The following CACNA1E variants were observed in gnomAD, a reference collection of about 807,000 sequenced individuals.
CACNA1E encodes the protein voltage-dependent R-type calcium channel subunit alpha-1E.
CACNA1E carries 40 observed loss-of-function variants against 259.2 expected under a neutral mutation model. The ratio of observed to expected loss-of-function variants is 0.15; its 90% CI spans 0.12 to 0.20. The LOEUF is 0.20. Ranked by LOEUF, CACNA1E falls within the 10% of genes least tolerant of loss-of-function variation. The pLI, the probability that CACNA1E is intolerant of heterozygous loss-of-function variation, is 1.00. For missense variants in CACNA1E, 1,874 were observed against 3,040.1 expected (o/e 0.62, Z 9.02); for synonymous variants, 1,104 against 1,138.5 (o/e 0.97, Z 0.61).
At chr1:181,795,083 GT>G in intron 46 of CACNA1E, 39 bp downstream of exon 46, 1 of 1,554,384 alleles carries the variant, frequency 6.4e-7, no homozygotes, top group Non-Finnish European at 8.8e-7. Flanking sequence ...TCATCAGGCA[GT>G]GGGCTCCTGC....
At chr1:181,614,545 A>G (rs1280641628) in intron 6 of CACNA1E, among the ~76,000 whole-genome samples, 1 of 152,238 alleles carries the variant, frequency 6.6e-6, no homozygotes, top group Non-Finnish European at 1.5e-5. Context: ...TGTTTGAAGC[A>G]GATACTTGCA....
intron 1 of CACNA1E, among the ~76,000 whole-genome samples, chr1:181,340,896 A>T (rs931856603): frequency 6.6e-6 from 1 of 152,098 alleles, no homozygotes; most frequent in African/African-American, 2.4e-5. Flanking sequence ...TTGTCTACAA[A>T]CTGTTTTATA....
chr1:181,488,281 G>A (rs1310306958), intron 1 of CACNA1E, among the ~76,000 whole-genome samples: 2 of 152,234 alleles, frequency 1.3e-5, no homozygotes, highest in East Asian at 1.9e-4. Context: ...GATGTAACTA[G>A]TGAATCATGA....
chr1:181,393,327 G>T (rs1025613587), intron 1 of CACNA1E, among the ~76,000 whole-genome samples: 2 of 152,214 alleles, frequency 1.3e-5, no homozygotes, highest in Non-Finnish European at 1.5e-5. Context: ...GATTAAACAA[G>T]ATGTAAAGGA....
chr1:181,481,364 ACACACACT>A (rs1160302629), upstream of CACNA1E, among the ~76,000 whole-genome samples: 4 of 151,752 alleles, frequency 2.6e-5, no homozygotes, highest in African/African-American at 9.7e-5. Context: ...ACACACACAC[ACACACACT>A]CTCACATACA....
chr1:181,664,304 C>T (rs563878738), intron 7 of CACNA1E, among the ~76,000 whole-genome samples: 1 of 152,290 alleles, frequency 6.6e-6, no homozygotes, highest in African/African-American at 2.4e-5. Context: ...TACACACATG[C>T]CCCAGCACAA....
intron 1 of CACNA1E, among the ~76,000 whole-genome samples, chr1:181,409,421 A>G (rs1657690774): frequency 1.3e-5 from 2 of 152,208 alleles, no homozygotes; most frequent in Admixed American, 6.5e-5. Flanking sequence ...AGGGCCAGGA[A>G]GTACATCCTA....
At position 181,593,614 on chromosome 1, in the gene CACNA1E, C is replaced by T. The variant is rs562615472; in HGVS notation, c.951+12838C>T. 9.8e-5 allele frequency among the ~76,000 whole-genome samples: 15 copies of T among 152,298 alleles called. No individual in the cohort carries two copies. In the East Asian group the frequency reaches 2.7e-3, roughly 27 times the overall value. On this transcript the variant is annotated intron_variant, in intron 6 of 47. Coordinates refer to ENST00000367573, the MANE Select transcript of CACNA1E (RefSeq NM_001205293.3). ...AGTGCAGTGGCATGATCTCGGTTCACTGCAACCTCCTCCGCTCGGGTTCAA... is the reference window on the plus strand; with the variant it reads ...AGTGCAGTGGCATGATCTCGGTTCATTGCAACCTCCTCCGCTCGGGTTCAA...
chr1:181,468,307 T>A (rs1047146798), intron 2 of CACNA1E, among the ~76,000 whole-genome samples: 1 of 152,146 alleles, frequency 6.6e-6, no homozygotes, highest in South Asian at 2.1e-4. Flanking sequence ...GGTTTGCGAG[T>A]TGCACTTGCA....
chr1:181,683,486 ATAGGTAAATTGCATG>A (rs1289636402), intron 7 of CACNA1E, among the ~76,000 whole-genome samples: 1 of 152,168 alleles, frequency 6.6e-6, no homozygotes. Flanking sequence ...AGTTTGTTAC[ATAGGTAAATTGCATG>A]TCACTGAGGT....
chr1:181,341,100 CGTCCTGATGGTG>C (rs1364519286), intron 1 of CACNA1E, among the ~76,000 whole-genome samples: 2 of 152,168 alleles, frequency 1.3e-5, no homozygotes, highest in Non-Finnish European at 2.9e-5. Context: ...GTTACTCCCG[CGTCCTGATGGTG>C]GTCCTGCCCT....
intron 1 of CACNA1E, among the ~76,000 whole-genome samples, chr1:181,508,617 C>A (rs1665917950): frequency 1.3e-5 from 2 of 152,270 alleles, no homozygotes; most frequent in Non-Finnish European, 2.9e-5. Flanking sequence ...TGGGTTACAG[C>A]CATGATGGGA....
intron 3 of CACNA1E, among the ~76,000 whole-genome samples, chr1:181,558,092 T>A (rs140911052): frequency 1.3e-5 from 2 of 152,172 alleles, no homozygotes; most frequent in Non-Finnish European, 2.9e-5. Context: ...GAGAAGAGAA[T>A]AATTCCAGAA....
chr1:181,790,312 TCA>T, intron 43 of CACNA1E, 131 bp from the exon 44 acceptor site: 1 of 471,146 alleles, frequency 2.1e-6, no homozygotes, highest in Admixed American at 3.9e-5. Context: ...TTTTTTAATT[TCA>T]GGACTAGCCA....
At chr1:181,370,744 G>C (rs6687274) in intron 1 of CACNA1E, among the ~76,000 whole-genome samples, 16 of 152,082 alleles carry the variant, frequency 1.1e-4, no homozygotes, top group African/African-American at 3.6e-4. Context: ...TAAACATATG[G>C]GTGCATTTTT....
intron 6 of CACNA1E, among the ~76,000 whole-genome samples, chr1:181,594,188 T>C (rs1652937066): frequency 6.6e-6 from 1 of 151,562 alleles, no homozygotes; most frequent in South Asian, 2.1e-4. Context: ...TATATTAATA[T>C]AATTATATAA....
rs147668449 is a variant in CACNA1E at position 181,391,543 on chromosome 1, G to T, written c.-14-21590G>T. 5.0e-3 allele frequency among the ~76,000 whole-genome samples: 762 copies of T among 152,254 alleles called. 4 individuals are homozygous for T. The highest frequency in any genetic ancestry group is 0.016 in the African/African-American group (679 of 41,532). On this transcript the variant is annotated intron_variant, in intron 1 of 11. Coordinates refer to the CACNA1E transcript ENST00000524607. ...GAATTCAGTGGGAGGGGCTGTCTGG[G>T]GGGGAAGCTCCGTGGCAAAGGAGAC...
chr1:181,407,966 C>G (rs1410764942), intron 1 of CACNA1E, among the ~76,000 whole-genome samples: 1 of 152,164 alleles, frequency 6.6e-6, no homozygotes, highest in Non-Finnish European at 1.5e-5. Flanking sequence ...CTCATCCAGC[C>G]TATGGCAGAC....
chr1:181,719,804 G>T lies in CACNA1E; in HGVS notation c.1692G>T (p.Thr564=). ...EVVWAIFRPG[T]SFGISVLRAL... ...TCTGGGCAATCTTCAGACCTGGTACGTCTTTTGGAATCAGTGTCTTGCGAG... is the reference window on the plus strand; with the variant it reads ...TCTGGGCAATCTTCAGACCTGGTACTTCTTTTGGAATCAGTGTCTTGCGAG... Residue 564 remains threonine, a synonymous_variant, in exon 13 of 48, where the codon ACG becomes ACT. Transcript: ENST00000367573. The T allele has an allele frequency of 6.2e-7, 1 of 1,605,190 alleles. No homozygotes were observed.
Sources: allele counts gnomAD v4.1 joint callset (sites outside exome capture counted in the v4.1 genomes callset), GRCh38; gene constraint gnomAD v4.1.1; transcripts MANE v1.5; gene names NCBI Gene and HGNC (gene_info 2026-07-23, HGNC 2026-07-21).